The following TSPAN7 variants were observed in gnomAD, a reference collection of about 807,000 sequenced individuals.
TSPAN7 encodes tetraspanin 7.
TSPAN7 carries 1 observed loss-of-function variant against 17.6 expected under a neutral mutation model. The observed-to-expected ratio is 0.06, with a 90% confidence interval of 0.02 to 0.27. The LOEUF (loss-of-function observed/expected upper bound fraction) is 0.27, where lower values mean the gene tolerates loss of function less well. Ranked by LOEUF, TSPAN7 falls within the 10% of genes least tolerant of loss-of-function variation. The pLI, the probability that TSPAN7 is intolerant of heterozygous loss-of-function variation, is 1.00. For missense variants in TSPAN7, 112 were observed against 201.7 expected, an observed-to-expected ratio of 0.56 and a Z score of 2.69; for synonymous variants, 78 against 79.0, an observed-to-expected ratio of 0.99 and a Z score of 0.07.
intron 1 of TSPAN7, among the ~76,000 whole-genome samples, chrX:38,606,533 A>G (rs894503837): frequency 1.8e-5 from 2 of 111,411 alleles, no homozygotes; most frequent in African/African-American, 6.5e-5. Context: ...AGAGTTTTCT[A>G]GGATAGTAGC....
At position 38,674,036 on chromosome X, in the gene TSPAN7, G is replaced by A. The variant is rs2294084; in HGVS notation, c.346-185G>A. Among the ~76,000 whole-genome samples, 876 of 111,238 alleles carry A rather than the reference G, an allele frequency of 7.9e-3. 28 individuals carry two copies. The highest frequency in any genetic ancestry group is 0.068 in the Admixed American group (714 of 10,484). On this transcript the variant is annotated intron_variant, in intron 3 of 7. Coordinates refer to ENST00000378482, the MANE Select transcript of TSPAN7 (RefSeq NM_004615.4). ...TGAGGGGAACAATTTTTTAAATTCC[G>A]GAGCTTAAAAACCCCCTGGTGAATT...
intron 7 of TSPAN7, 120 bp downstream of exon 7, chrX:38,687,794 A>G: frequency 2.0e-6 from 1 of 502,457 alleles, no homozygotes; most frequent in South Asian, 5.0e-5. Flanking sequence ...GCACTTGTCC[A>G]TGTTCAGAAA....
intron 1 of TSPAN7, among the ~76,000 whole-genome samples, chrX:38,648,958 G>T (rs1482774143): frequency 9.1e-6 from 1 of 109,571 alleles, no homozygotes; most frequent in Non-Finnish European, 1.9e-5. Flanking sequence ...CCAATATTAT[G>T]TTATTCCTGT....
At chrX:38,603,453 G>T (rs1169857936) in intron 1 of TSPAN7, among the ~76,000 whole-genome samples, 2 of 112,130 alleles carry the variant, frequency 1.8e-5, no homozygotes, top group Non-Finnish European at 3.8e-5. Flanking sequence ...AAACACTTGT[G>T]TATAAATGGG....
chrX:38,665,054 C>T (rs1444916699), intron 1 of TSPAN7, among the ~76,000 whole-genome samples: 1 of 112,162 alleles, frequency 8.9e-6, no homozygotes, highest in Non-Finnish European at 1.9e-5. Flanking sequence ...TATTGATTGA[C>T]AAGGGAAACC....
chrX:38,626,183 T>C (rs1467274432), intron 1 of TSPAN7, among the ~76,000 whole-genome samples: 1 of 96,878 alleles, frequency 1.0e-5, no homozygotes, highest in African/African-American at 3.8e-5. Context: ...TTAAATGTAC[T>C]ATTCTGGAGG....
intron 4 of TSPAN7, among the ~76,000 whole-genome samples, chrX:38,674,788 C>T (rs2147454521): frequency 9.1e-6 from 1 of 110,426 alleles, no homozygotes; most frequent in East Asian, 2.9e-4. Context: ...TGGTGAGCTG[C>T]CTGATGCTTT....
At chrX:38,607,797 A>G (rs889643245) in intron 1 of TSPAN7, among the ~76,000 whole-genome samples, 8 of 109,246 alleles carry the variant, frequency 7.3e-5, no homozygotes, top group African/African-American at 2.7e-4. Flanking sequence ...TTCTGCAGAA[A>G]CCAAAACATG....
chrX:38,591,972 G>T (rs1201494742), intron 1 of TSPAN7, among the ~76,000 whole-genome samples: 1 of 111,940 alleles, frequency 8.9e-6, no homozygotes, highest in African/African-American at 3.2e-5. Flanking sequence ...TAGGAAGCAT[G>T]GCTGGCGGAG....
rs767461332 is a variant in TSPAN7, at chrX:38,674,249, C to T, written c.374C>T (p.Thr125Met). 52 of 1,198,301 alleles carry T rather than the reference C, an allele frequency of 4.3e-5. No homozygotes were observed. The highest frequency in any genetic ancestry group is 5.7e-5 in the Non-Finnish European group (51 of 888,884). Reference sequence around the variant, plus strand: ...AAGGACACCTTCCTGAGGACTTACACGGACGCTATGCAGACTTACAATGGC... The same window carrying T: ...AAGGACACCTTCCTGAGGACTTACATGGACGCTATGCAGACTTACAATGGC... ...EIKDTFLRTY[T>M]DAMQTYNGND... Residue 125 changes from threonine to methionine, a missense_variant, in exon 4 of 8, where the codon ACG becomes ATG. Physicochemically the swap from Thr to Met is moderately conservative, Grantham distance 81. Coordinates refer to ENST00000378482, the MANE Select transcript of TSPAN7 (RefSeq NM_004615.4).
chrX:38,653,814 G>A (rs972302669), intron 1 of TSPAN7, among the ~76,000 whole-genome samples: 3 of 111,913 alleles, frequency 2.7e-5, no homozygotes, highest in East Asian at 2.8e-4. Flanking sequence ...TGTGCACAAC[G>A]TGCAGGTTTG....
chrX:38,589,338 G>A (rs1318591020), intron 1 of TSPAN7, among the ~76,000 whole-genome samples: 1 of 111,657 alleles, frequency 9.0e-6, no homozygotes, highest in Non-Finnish European at 1.9e-5. Flanking sequence ...TCATCCTGAG[G>A]TTCATTTATT....
chrX:38,631,366 A>G (rs2069550119), intron 1 of TSPAN7, among the ~76,000 whole-genome samples: 4 of 111,802 alleles, frequency 3.6e-5, no homozygotes, highest in African/African-American at 1.3e-4. Context: ...TTCTTTTTTA[A>G]AAAAAGGAAA....
intron 1 of TSPAN7, among the ~76,000 whole-genome samples, chrX:38,592,570 T>C (rs1425911628): frequency 9.0e-6 from 1 of 111,283 alleles, no homozygotes; most frequent in Non-Finnish European, 1.9e-5. Flanking sequence ...GCTTTATGGT[T>C]CATAGTATAC....
chrX:38,628,358 G>A (rs763029498), intron 1 of TSPAN7, among the ~76,000 whole-genome samples: 1 of 110,347 alleles, frequency 9.1e-6, no homozygotes, highest in African/African-American at 3.3e-5. Context: ...TTTTGTTTTT[G>A]TTTTGTTTTT....
intron 2 of TSPAN7, among the ~76,000 whole-genome samples, chrX:38,669,636 C>T (rs1040548918): frequency 5.3e-5 from 6 of 112,301 alleles, no homozygotes; most frequent in African/African-American, 1.9e-4. Context: ...ACTGCTGATT[C>T]GGCTGATGAG....
At chrX:38,605,714 T>C (rs1366497995) in intron 1 of TSPAN7, among the ~76,000 whole-genome samples, 2 of 109,696 alleles carry the variant, frequency 1.8e-5, no homozygotes, top group Admixed American at 9.7e-5. Context: ...AAAACAGAGA[T>C]ATAGATCAAT....
chrX:38,640,494 AC>A (rs1184366910), intron 1 of TSPAN7, among the ~76,000 whole-genome samples: 4 of 111,393 alleles, frequency 3.6e-5, no homozygotes, highest in African/African-American at 1.3e-4. Flanking sequence ...GGCCAACTTT[AC>A]CCCAAAGCTC....
chrX:38,605,693 G>A (rs1324391410), intron 1 of TSPAN7, among the ~76,000 whole-genome samples: 1 of 109,880 alleles, frequency 9.1e-6, no homozygotes, highest in East Asian at 2.9e-4. Flanking sequence ...AAACAGCATG[G>A]TACTAGTACC....
Sources: gnomAD v4.1 joint callset for allele counts (sites outside exome capture counted in the v4.1 genomes callset) on GRCh38, gnomAD v4.1.1 for gene constraint, MANE v1.5 for transcripts, NCBI Gene and HGNC (gene_info 2026-07-23, HGNC 2026-07-21) for gene names.